ELOVL7: variants seen among roughly 807,000 people sequenced by gnomAD.
ELOVL7 encodes ELOVL fatty acid elongase 7, also known as very long chain fatty acid elongase 7.
ELOVL7 carries 27 observed loss-of-function variants against 35.7 expected under a neutral mutation model. That is an observed-to-expected ratio of 0.76 (90% CI 0.56 to 1.04). The LOEUF (loss-of-function observed/expected upper bound fraction) is 1.04. ELOVL7 is among the 50% of genes least tolerant of loss of function. The pLI, the probability that ELOVL7 is intolerant of heterozygous loss-of-function variation, is 0.00. For missense variants in ELOVL7, 327 were observed against 340.8 expected, an observed-to-expected ratio of 0.96 and a Z score of 0.32; for synonymous variants, 113 against 114.6, an observed-to-expected ratio of 0.99 and a Z score of 0.09.
intron 1 of ELOVL7, among the ~76,000 whole-genome samples, chr5:60,831,291 T>C (rs1302618889): frequency 1.3e-5 from 2 of 152,224 alleles, no homozygotes; most frequent in African/African-American, 2.4e-5. Context: ...GCCAATCCTT[T>C]ATAATGTATA....
At chr5:60,833,051 C>T (rs1229963853) in intron 1 of ELOVL7, among the ~76,000 whole-genome samples, 1 of 152,148 alleles carries the variant, frequency 6.6e-6, no homozygotes, top group Non-Finnish European at 1.5e-5. Context: ...TCTACAGTAA[C>T]CTCTGTAGGA....
intron 4 of ELOVL7, among the ~76,000 whole-genome samples, 178 bp from the exon 5 acceptor site, chr5:60,768,081 G>C (rs1354529650): frequency 6.6e-6 from 1 of 152,182 alleles, no homozygotes; most frequent in African/African-American, 2.4e-5. Context: ...TTGATATCAA[G>C]AATTTTCAAA....
At chr5:60,830,354 G>A (rs1746408683) in intron 1 of ELOVL7, among the ~76,000 whole-genome samples, 1 of 152,172 alleles carries the variant, frequency 6.6e-6, no homozygotes. Context: ...GCACAACAAA[G>A]TAAAGTAATA....
rs776243961 is a variant in ELOVL7 at position 60,764,297 on chromosome 5, C to T, written c.429G>A (p.Val143=). The change falls in exon 7 of 9, where the codon GTG becomes GTA. Residue 143 remains valine (V), a synonymous_variant. Coordinates refer to ENST00000508821, the MANE Select transcript of ELOVL7 (RefSeq NM_024930.3). ...TATGATGGAATACATGAAGGAAAGT[C>T]ACTTGGCTATTTTTCTTGCGCAGAA... The part of the protein sequence containing the change: ...FFVLRKKNSQ[V]TFLHVFHHTI... 13 of 1,613,570 alleles carry T rather than the reference C, an allele frequency of 8.1e-6. No individual in the cohort carries two copies. Among genetic ancestry groups the T allele is most frequent in the Non-Finnish European group, 8.5e-6 (10 of 1,179,766 alleles).
intron 3 of ELOVL7, among the ~76,000 whole-genome samples, chr5:60,780,612 A>C (rs1186803107): frequency 6.6e-6 from 1 of 152,180 alleles, no homozygotes; most frequent in Non-Finnish European, 1.5e-5. Context: ...GTAATTTATA[A>C]AGCAAAGAGA....
intron 1 of ELOVL7, among the ~76,000 whole-genome samples, chr5:60,816,204 TC>T (rs1745506565): frequency 6.6e-6 from 1 of 151,968 alleles, no homozygotes; most frequent in East Asian, 1.9e-4. Context: ...ACATGATGAA[TC>T]CCCATCTCTA....
intron 1 of ELOVL7, among the ~76,000 whole-genome samples, chr5:60,830,609 CTT>C (rs55973952): frequency 1.9e-4 from 24 of 127,364 alleles, no homozygotes; most frequent in Non-Finnish European, 1.9e-4. Flanking sequence ...TTCTTTCTTT[CTT>C]TTTTTTTTTT....
chr5:60,797,856 A>C (rs964337665), intron 2 of ELOVL7, among the ~76,000 whole-genome samples: 1 of 152,266 alleles, frequency 6.6e-6, no homozygotes, highest in African/African-American at 2.4e-5. Flanking sequence ...GCTTAGGGCA[A>C]ACCTGCCCCC....
intron 1 of ELOVL7, among the ~76,000 whole-genome samples, chr5:60,807,550 A>G (rs1171901295): frequency 6.6e-6 from 1 of 151,254 alleles, no homozygotes; most frequent in Admixed American, 6.6e-5. Flanking sequence ...AAATCACTAG[A>G]AAACTTTACA....
In ELOVL7 at chr5:60,808,707, A is replaced by G. The variant is rs1745085551; in HGVS notation, c.-85-9477T>C. 2.0e-5 allele frequency among the ~76,000 whole-genome samples: 3 copies of G among 152,216 alleles called. No individual in the cohort carries two copies. The South Asian group carries it at 6.2e-4, about 31-fold the overall frequency. On this transcript the variant is annotated intron_variant, in intron 1 of 8. Coordinates refer to ENST00000508821, the MANE Select transcript of ELOVL7 (RefSeq NM_024930.3). ...GTGACTTTATTCATAGTCACCCAAA[A>G]TAATAAACAACTGAAATTTTCTTTG... is the stretch of plus-strand genomic sequence containing the variant.
At chr5:60,778,737 T>C (rs1371807834) in intron 3 of ELOVL7, among the ~76,000 whole-genome samples, 2 of 152,278 alleles carry the variant, frequency 1.3e-5, no homozygotes, top group Non-Finnish European at 1.5e-5. Flanking sequence ...CCAAATCTCA[T>C]GTCCTCACAT....
At chr5:60,795,975 TAAGAACA>T (rs200197559) in intron 2 of ELOVL7, among the ~76,000 whole-genome samples, 1,762 of 152,036 alleles carry the variant, frequency 0.012, 16 homozygotes, top group South Asian at 0.042. Flanking sequence ...TTGGGAGCTC[TAAGAACA>T]AAGATCCATG....
intron 3 of ELOVL7, chr5:60,784,112 T>C (rs1201082278): frequency 1.3e-6 from 2 of 1,497,296 alleles, no homozygotes; most frequent in South Asian, 1.2e-5. Context: ...TTAATGGGCT[T>C]TTCCATCAGC....
chr5:60,837,260 C>T (rs969663966), intron 1 of ELOVL7, among the ~76,000 whole-genome samples: 9 of 140,590 alleles, frequency 6.4e-5, no homozygotes, highest in African/African-American at 2.4e-4. Flanking sequence ...CGGTGAAACC[C>T]CGTCTCTACT....
intron 5 of ELOVL7, 129 bp downstream of exon 5, chr5:60,767,694 T>G: frequency 7.8e-6 from 4 of 510,332 alleles, no homozygotes; most frequent in Non-Finnish European, 1.1e-5. Flanking sequence ...GTTCACTTTC[T>G]CCACCACAAC....
intron 1 of ELOVL7, among the ~76,000 whole-genome samples, chr5:60,820,703 C>T (rs1451015712): frequency 1.3e-5 from 2 of 152,198 alleles, no homozygotes; most frequent in Non-Finnish European, 2.9e-5. Flanking sequence ...ATGAGTTGGA[C>T]CACGAACCTG....
At chr5:60,811,915 AC>A (rs141284870) in intron 1 of ELOVL7, among the ~76,000 whole-genome samples, 89 of 152,370 alleles carry the variant, frequency 5.8e-4, no homozygotes, top group African/African-American at 1.8e-3. Flanking sequence ...ATAGAAAAAA[AC>A]ATAAATGAGA....
chr5:60,838,380 G>C (rs1746957713), intron 1 of ELOVL7, among the ~76,000 whole-genome samples: 1 of 152,096 alleles, frequency 6.6e-6, no homozygotes, highest in African/African-American at 2.4e-5. Context: ...GCCTCCCCAG[G>C]ACCTGGTCTG....
At chr5:60,756,476 G>A (rs1277198820) in intron 8 of ELOVL7, among the ~76,000 whole-genome samples, 3 of 152,072 alleles carry the variant, frequency 2.0e-5, no homozygotes, top group Admixed American at 2.0e-4. Flanking sequence ...GCAATGGTGA[G>A]TAATTTTCAT....
Sources: gnomAD v4.1 joint callset for allele counts (sites outside exome capture counted in the v4.1 genomes callset) on GRCh38, gnomAD v4.1.1 for gene constraint, MANE v1.5 for transcripts, NCBI Gene and HGNC (gene_info 2026-07-23, HGNC 2026-07-21) for gene names.